The following GRM1 variants were observed in gnomAD, a reference collection of about 807,000 sequenced individuals.
The protein encoded by GRM1 is metabotropic glutamate receptor 1.
In GRM1, 33 loss-of-function variants were observed where a neutral mutation model predicts 90.9. That is an observed-to-expected ratio of 0.36 (90% CI 0.28 to 0.49). The LOEUF is 0.49. GRM1 is among the 20% of genes least tolerant of loss of function. GRM1 has a pLI of 0.99. For synonymous variants in GRM1, 700 were observed against 613.2 expected (o/e 1.14, Z -2.09); for missense variants, 1,190 against 1,534.3 (o/e 0.78, Z 3.75).
intron 3 of GRM1, among the ~76,000 whole-genome samples, chr6:146,349,542 A>T (rs1785318379): frequency 6.6e-6 from 1 of 152,030 alleles, no homozygotes; most frequent in African/African-American, 2.4e-5. Context: ...GTCTCAACAT[A>T]CCCACTTTTT....
intron 1 of GRM1, among the ~76,000 whole-genome samples, chr6:146,030,780 A>G (rs937508230): frequency 2.6e-5 from 4 of 152,182 alleles, no homozygotes; most frequent in African/African-American, 9.7e-5. Flanking sequence ...AGAAACTTAT[A>G]TTTTTACTTC....
At chr6:146,209,479 C>G (rs1006304995) in intron 2 of GRM1, among the ~76,000 whole-genome samples, 1 of 152,064 alleles carries the variant, frequency 6.6e-6, no homozygotes, top group Non-Finnish European at 1.5e-5. Flanking sequence ...AAGTAATGAA[C>G]CATCACATAA....
intron 1 of GRM1, among the ~76,000 whole-genome samples, chr6:146,035,881 T>G (rs1048111846): frequency 6.6e-6 from 1 of 151,924 alleles, no homozygotes; most frequent in African/African-American, 2.4e-5. Context: ...TAGAGTGAAA[T>G]CCAAAGACGA....
chr6:146,181,215 T>G (rs1778538924), intron 2 of GRM1, among the ~76,000 whole-genome samples: 1 of 151,008 alleles, frequency 6.6e-6, no homozygotes, highest in African/African-American at 2.5e-5. Context: ...AAACTTGAAA[T>G]GTTCACACAT....
intron 2 of GRM1, among the ~76,000 whole-genome samples, chr6:146,166,951 A>G (rs1777929475): frequency 6.6e-6 from 1 of 152,142 alleles, no homozygotes. Context: ...CACCAATTTT[A>G]TGTGTTTATT....
chr6:146,185,260 T>C (rs1778692613), intron 2 of GRM1, among the ~76,000 whole-genome samples: 1 of 152,116 alleles, frequency 6.6e-6, no homozygotes, highest in Non-Finnish European at 1.5e-5. Context: ...CTGACCAAAG[T>C]AGAATAGGAT....
At chr6:146,054,475 A>T (rs1174822394) in intron 1 of GRM1, among the ~76,000 whole-genome samples, 5 of 152,062 alleles carry the variant, frequency 3.3e-5, no homozygotes, top group African/African-American at 1.2e-4. Flanking sequence ...GCTTTTCCTG[A>T]CCAGCTTTCC....
chr6:146,177,946 T>C (rs1778392663), intron 2 of GRM1, among the ~76,000 whole-genome samples: 2 of 152,210 alleles, frequency 1.3e-5, no homozygotes, highest in Non-Finnish European at 1.5e-5. Context: ...ACTGCTAAGA[T>C]AGGTCAAGAA....
At chr6:146,319,318 A>G (rs1583318529) in intron 3 of GRM1, among the ~76,000 whole-genome samples, 1 of 152,056 alleles carries the variant, frequency 6.6e-6, no homozygotes, top group African/African-American at 2.4e-5. Context: ...GTTCTGTTCC[A>G]TTGGTTAATA....
At chr6:146,096,610 C>A (rs1044866955) in intron 1 of GRM1, among the ~76,000 whole-genome samples, 26 of 152,136 alleles carry the variant, frequency 1.7e-4, no homozygotes, top group African/African-American at 4.3e-4. Flanking sequence ...CCCTCTTAAT[C>A]CCTTACTTGT....
At chr6:146,315,625 G>A (rs1226361500) in intron 3 of GRM1, among the ~76,000 whole-genome samples, 1 of 152,040 alleles carries the variant, frequency 6.6e-6, no homozygotes, top group African/African-American at 2.4e-5. Flanking sequence ...ATTAATCTGG[G>A]TCCTACGCCA....
In GRM1 at chr6:146,437,447, T is replaced by C. The variant is rs1163422343; in HGVS notation, c.*2651T>C. ...TCAAAATTGGAGATGTACACATACA[T>C]ACCCTATACCAAGAGGGCCGAAACT... On this transcript the variant is annotated 3_prime_UTR_variant, in exon 8 of 8. Transcript: ENST00000282753. 6.6e-6 allele frequency: 1 copy of C among 152,636 alleles called. No individual in the cohort carries two copies. The allele number at this position is 152,636 out of a possible 1,614,324, so 9.5% of individuals were successfully genotyped here. A position where few individuals can be genotyped will look rare whatever the true frequency, so the allele number is the denominator to read the frequency against.
intron 2 of GRM1, among the ~76,000 whole-genome samples, chr6:146,173,191 C>A (rs1778202040): frequency 6.6e-6 from 1 of 151,830 alleles, no homozygotes; most frequent in Admixed American, 6.6e-5. Flanking sequence ...GAGTTCAGGA[C>A]CAGCCAGACC....
intron 2 of GRM1, among the ~76,000 whole-genome samples, chr6:146,221,809 A>G (rs573640638): frequency 6.6e-6 from 1 of 152,206 alleles, no homozygotes; most frequent in East Asian, 1.9e-4. Context: ...TGCTATGTAC[A>G]CAGCCATAAA....
chr6:146,364,573 A>T (rs1164029371), intron 5 of GRM1, among the ~76,000 whole-genome samples: 1 of 152,180 alleles, frequency 6.6e-6, no homozygotes, highest in Non-Finnish European at 1.5e-5. Flanking sequence ...TGTAATGAGT[A>T]TTTTTATTCT....
At chr6:146,188,430 A>G (rs1454064368) in intron 2 of GRM1, among the ~76,000 whole-genome samples, 3 of 152,108 alleles carry the variant, frequency 2.0e-5, no homozygotes, top group Admixed American at 2.0e-4. Context: ...GCAATTCTCT[A>G]TTGCTACCTC....
At chr6:146,111,093 T>C (rs1204067892) in intron 1 of GRM1, among the ~76,000 whole-genome samples, 1 of 152,218 alleles carries the variant, frequency 6.6e-6, no homozygotes, top group African/African-American at 2.4e-5. Context: ...TCTTTGTGAT[T>C]TGGACCAGTT....
chr6:146,271,538 G>A, intron 2 of GRM1, among the ~76,000 whole-genome samples: 1 of 152,104 alleles, frequency 6.6e-6, no homozygotes, highest in East Asian at 1.9e-4. Flanking sequence ...AGTTCAGAAA[G>A]GCTTCTGAGA....
At chr6:146,247,788 G>A (rs1327057972) in intron 2 of GRM1, among the ~76,000 whole-genome samples, 1 of 140,444 alleles carries the variant, frequency 7.1e-6, no homozygotes, top group Non-Finnish European at 1.5e-5. Flanking sequence ...TGGTGTGTGT[G>A]TGTGTGTGTG....
Sources: allele counts gnomAD v4.1 joint callset (sites outside exome capture counted in the v4.1 genomes callset), GRCh38; gene constraint gnomAD v4.1.1; transcripts MANE v1.5; gene names NCBI Gene and HGNC (gene_info 2026-07-23, HGNC 2026-07-21).